Variants in FEZ2 observed in about 807,000 individuals in gnomAD.
The protein encoded by FEZ2 is fasciculation and elongation protein zeta 2.
In FEZ2, 51 loss-of-function variants were observed where a neutral mutation model predicts 40.4. The ratio of observed to expected loss-of-function variants is 1.26; its 90% CI spans 1.01 to 1.59. The LOEUF is 1.59. FEZ2 is among the 40% of genes most tolerant of loss of function. FEZ2 has a pLI of 0.00. For synonymous variants in FEZ2, 242 were observed against 172.0 expected, an observed-to-expected ratio of 1.41 and a Z score of -3.18; for missense variants, 640 against 438.3, an observed-to-expected ratio of 1.46 and a Z score of -4.11.
At chr2:36,581,182 A>G (rs1668731353) in intron 4 of FEZ2, 108 bp downstream of exon 4, 1 of 1,084,874 alleles carries the variant, frequency 9.2e-7, no homozygotes, top group South Asian at 1.6e-5. Flanking sequence ...TTTGGACACA[A>G]ACACAAACAG....
Position 36,583,819 on chromosome 2 carries a change from G to C in FEZ2, c.376-350C>G, listed in dbSNP as rs748434114. Among the ~76,000 whole-genome samples, 7 of 152,306 alleles carry C rather than the reference G, an allele frequency of 4.6e-5. No homozygotes were observed. In the South Asian group the frequency reaches 1.4e-3, roughly 32 times the overall value. ...GCAACACACACTAAGATTGGTAGAC[G>C]TTAACATTCTAAAGAAAACATAAAA... On this transcript the variant is annotated intron_variant, in intron 2 of 7. Coordinates refer to ENST00000405912, the MANE Select transcript of FEZ2 (RefSeq NM_005102.3).
At position 36,579,215 on chromosome 2, in the gene FEZ2, A is replaced by C. The variant is rs55700228; in HGVS notation, c.635-350T>G. 2.0e-4 allele frequency: 40 copies of C among 202,774 alleles called. No homozygotes were observed. The East Asian group carries it at 4.7e-3, about 24-fold the overall frequency. 12.6% of individuals were successfully genotyped at this position (202,774 alleles called of 1,614,324 possible). On this transcript the variant is annotated intron_variant, in intron 4 of 7. Coordinates refer to ENST00000405912, the MANE Select transcript of FEZ2 (RefSeq NM_005102.3). ...AAAGAACAAACACAAAAGTCGAGGG[A>C]AAGTACAGAATCCACCTGCTGACAA...
Position 36,552,932 on chromosome 2 carries a change from C to G in FEZ2, c.*231G>C, listed in dbSNP as rs1348497273. 5.8e-6 allele frequency: 3 copies of G among 515,106 alleles called. No homozygotes were observed. The East Asian group carries it at 9.2e-5, about 16-fold the overall frequency. The allele number at this position is 515,106 out of a possible 1,614,324, so 31.9% of individuals were successfully genotyped here. A position where few individuals can be genotyped will look rare whatever the true frequency, so the allele number is the denominator to read the frequency against. The stretch of plus-strand genomic sequence containing the variant: ...ACTCTCTCTTAATCTACTAAGAGAA[C>G]AGTTTATTAGTAGATTTAACAAAAA... On this transcript the variant is annotated 3_prime_UTR_variant, in exon 8 of 8. Coordinates refer to ENST00000405912, the MANE Select transcript of FEZ2 (RefSeq NM_005102.3).
At chr2:36,588,442 G>T (rs907426408) in intron 2 of FEZ2, among the ~76,000 whole-genome samples, 1 of 152,094 alleles carries the variant, frequency 6.6e-6, no homozygotes, top group African/African-American at 2.4e-5. Context: ...CAGCAAAAGG[G>T]AGCAACCTCC....
chr2:36,581,236 C>G, intron 4 of FEZ2, 54 bp downstream of exon 4: 2 of 1,517,120 alleles, frequency 1.3e-6, no homozygotes, highest in Non-Finnish European at 1.8e-6. Context: ...TCATACTATA[C>G]ATTTGATACA....
Position 36,583,689 on chromosome 2 carries a change from A to G in FEZ2, c.376-220T>C, listed in dbSNP as rs149047981. Among the ~76,000 whole-genome samples, 14 of 152,340 alleles carry G rather than the reference A, an allele frequency of 9.2e-5. No individual in the cohort carries two copies. The East Asian group carries it at 1.7e-3, about 19-fold the overall frequency. ...AAATATGAAATCACTGAGATGCTGC[A>G]TAAGACTGCTATAAAAGCTGACAGA... On this transcript the variant is annotated intron_variant, in intron 2 of 7. Transcript: ENST00000405912.
intron 7 of FEZ2, among the ~76,000 whole-genome samples, chr2:36,554,004 C>T (rs1251123340): frequency 6.6e-6 from 1 of 152,174 alleles, no homozygotes; most frequent in Non-Finnish European, 1.5e-5. Context: ...TACATCTCCA[C>T]ATTGCACTCC....
chr2:36,577,736 A>T (rs1347672796), intron 5 of FEZ2, among the ~76,000 whole-genome samples: 1 of 152,216 alleles, frequency 6.6e-6, no homozygotes, highest in Admixed American at 6.5e-5. Flanking sequence ...GCTTAATGAG[A>T]TCTATTTCTC....
At position 36,552,697 on chromosome 2, in the gene FEZ2, A is replaced by G. The variant is rs1003877071; in HGVS notation, c.*466T>C. On this transcript the variant is annotated 3_prime_UTR_variant, in exon 8 of 8. Coordinates refer to ENST00000405912, the MANE Select transcript of FEZ2 (RefSeq NM_005102.3). The stretch of plus-strand genomic sequence containing the variant: ...AAGAACAGCCCGTTTATTCTGTTTC[A>G]ATCTCTCTGAACAATACTGGTAGGT... 4.0e-5 allele frequency: 8 copies of G among 201,008 alleles called. No individual in the cohort carries two copies. Among genetic ancestry groups the G allele is most frequent in the Non-Finnish European group, 8.1e-5 (8 of 98,176 alleles). 12.5% of individuals were successfully genotyped at this position (201,008 alleles called of 1,614,324 possible).
At chr2:36,567,749 G>A (rs558927937) in intron 5 of FEZ2, among the ~76,000 whole-genome samples, 76 of 149,222 alleles carry the variant, frequency 5.1e-4, no homozygotes, top group Middle Eastern at 3.4e-3. Flanking sequence ...GCAATAGAGC[G>A]AGACTCTGTC....
rs751933153 is a variant in FEZ2 at position 36,590,933 on chromosome 2, G to T, written c.345C>A (p.His115Gln). 1 of 1,611,064 alleles carries T rather than the reference G, an allele frequency of 6.2e-7. No homozygotes were observed. Among genetic ancestry groups the T allele is most frequent in the Admixed American group, 1.7e-5 (1 of 60,020 alleles). Reference sequence around the variant, plus strand: ...TTTCTGAGAGGTTCAGAGTAAGCAAGTGCAAGGTCCTAGTATGCGATGACT... The same window carrying T: ...TTTCTGAGAGGTTCAGAGTAAGCAATTGCAAGGTCCTAGTATGCGATGACT... ...DWKSSHTRTL[H>Q]LLTLNLSEKG... The change falls in exon 2 of 8, where the codon CAC becomes CAA. Residue 115 changes from histidine to glutamine, a missense_variant. His to Gln is a conservative substitution (Grantham distance 24). Coordinates refer to ENST00000405912, the MANE Select transcript of FEZ2 (RefSeq NM_005102.3).
Position 36,552,842 on chromosome 2 carries a change from C to A in FEZ2, c.*321G>T. On this transcript the variant is annotated 3_prime_UTR_variant, in exon 8 of 8. Coordinates refer to ENST00000405912, the MANE Select transcript of FEZ2 (RefSeq NM_005102.3). ...ATCAGTGCAGTTTAGATAAGAAAGC[C>A]ATAAAAACAAATGGGCATACTGTCA... The A allele has an allele frequency of 6.7e-6, 2 of 297,966 alleles. No homozygotes were observed. Among genetic ancestry groups the A allele is most frequent in the Admixed American group, 4.8e-5 (1 of 20,976 alleles). 18.5% of individuals were successfully genotyped at this position (297,966 alleles called of 1,614,324 possible).
At chr2:36,573,145 C>T (rs1668463996) in intron 5 of FEZ2, among the ~76,000 whole-genome samples, 1 of 152,096 alleles carries the variant, frequency 6.6e-6, no homozygotes. Context: ...GTCATTATGG[C>T]AAACAGAAAA....
chr2:36,555,656 T>G, intron 7 of FEZ2, 27 bp downstream of exon 7: 1 of 1,403,066 alleles, frequency 7.1e-7, no homozygotes, highest in Non-Finnish European at 9.8e-7. Flanking sequence ...CTCCCAGCCA[T>G]CGCACCTATA....
At chr2:36,569,901 A>C (rs1019858611) in intron 5 of FEZ2, among the ~76,000 whole-genome samples, 5 of 152,194 alleles carry the variant, frequency 3.3e-5, no homozygotes, top group African/African-American at 1.2e-4. Flanking sequence ...CTCTTACTCT[A>C]ATCTACTCTT....
intron 5 of FEZ2, among the ~76,000 whole-genome samples, chr2:36,572,120 T>G (rs1668434910): frequency 6.6e-6 from 1 of 152,090 alleles, no homozygotes; most frequent in Non-Finnish European, 1.5e-5. Flanking sequence ...TATCACTGTG[T>G]ATAATACAAC....
chr2:36,596,568 C>T (rs1441797192), intron 1 of FEZ2, among the ~76,000 whole-genome samples: 1 of 152,208 alleles, frequency 6.6e-6, no homozygotes, highest in Non-Finnish European at 1.5e-5. Flanking sequence ...GCAATCCTGC[C>T]ATCTCAGCCT....
At chr2:36,575,380 G>C (rs909566106) in intron 5 of FEZ2, among the ~76,000 whole-genome samples, 1 of 151,982 alleles carries the variant, frequency 6.6e-6, no homozygotes, top group Admixed American at 6.6e-5. Context: ...GTAAAGACAA[G>C]GTCTCACTAT....
At chr2:36,581,966 TAATTC>T (rs1360097787) in intron 3 of FEZ2, among the ~76,000 whole-genome samples, 2 of 152,234 alleles carry the variant, frequency 1.3e-5, no homozygotes, top group East Asian at 3.9e-4. Context: ...TTTTATATAT[TAATTC>T]AACGAAAAAA....
Sources: gnomAD v4.1 joint callset for allele counts (sites outside exome capture counted in the v4.1 genomes callset) on GRCh38, gnomAD v4.1.1 for gene constraint, MANE v1.5 for transcripts, NCBI Gene and HGNC (gene_info 2026-07-23, HGNC 2026-07-21) for gene names.